Variants in WDR64 observed in about 807,000 individuals in gnomAD.
WDR64 encodes WD repeat domain 64.
A neutral mutation model predicts 139.3 loss-of-function variants in WDR64; 112 were observed. The observed-to-expected ratio is 0.80, with a 90% CI of 0.69 to 0.94. The LOEUF is 0.94. Ranked by LOEUF, WDR64 falls within the 40% of genes least tolerant of loss-of-function variation. The pLI is 0.00. For synonymous variants in WDR64, 444 were observed against 437.7 expected, an observed-to-expected ratio of 1.01 and a Z score of -0.18; for missense variants, 1,206 against 1,293.1, an observed-to-expected ratio of 0.93 and a Z score of 1.03.
rs1274455995 is a variant in WDR64, at chr1:241,656,212, C to T, written c.145+3583C>T. 6.6e-6 allele frequency among the ~76,000 whole-genome samples: 1 copy of T among 152,150 alleles called. No homozygotes were observed. Among genetic ancestry groups the T allele is most frequent in the Non-Finnish European group, 1.5e-5 (1 of 68,030 alleles). On this transcript the variant is annotated intron_variant, in intron 1 of 27. Coordinates refer to ENST00000437684, the MANE Select transcript of WDR64 (RefSeq NM_001367482.1). This position sits in a 1 kb window ranked among gnomAD's most constrained non-coding sequence, Gnocchi z 4.3. ...TTGTCAGGCTGTTAATAATGTCTGG[C>T]ACAAATTCATATTTATTAACCAATA... is the stretch of plus-strand genomic sequence containing the variant.
intron 15 of WDR64, among the ~76,000 whole-genome samples, chr1:241,762,240 C>T (rs1657947316): frequency 6.6e-6 from 1 of 152,150 alleles, no homozygotes; most frequent in African/African-American, 2.4e-5. Context: ...ACAACATTCA[C>T]GTTGTACATC....
At chr1:241,709,361 G>A (rs1413096576) in intron 8 of WDR64, among the ~76,000 whole-genome samples, 1 of 152,152 alleles carries the variant, frequency 6.6e-6, no homozygotes, top group Non-Finnish European at 1.5e-5. Flanking sequence ...ATTCTTGCCC[G>A]AGGTCTAGGG....
rs373734522 is a variant in WDR64, at chr1:241,738,495, T to C, written c.1321+6T>C. ...TCATGGCATGCTTATTACGGGTAAGTGTACCCAATTAATGTCAAACGAAAC... is the reference window on the plus strand; with the variant it reads ...TCATGGCATGCTTATTACGGGTAAGCGTACCCAATTAATGTCAAACGAAAC... On this transcript the variant is annotated splice_donor_region_variant and intron_variant, in intron 11 of 27. Transcript: ENST00000437684. The C allele has an allele frequency of 1.1e-4, 182 of 1,603,288 alleles. No individual in the cohort carries two copies. Among genetic ancestry groups the C allele is most frequent in the Non-Finnish European group, 1.5e-4 (177 of 1,176,122 alleles).
chr1:241,662,729 C>A (rs1032726832), intron 2 of WDR64, among the ~76,000 whole-genome samples: 8 of 151,974 alleles, frequency 5.3e-5, no homozygotes, highest in African/African-American at 1.9e-4. Flanking sequence ...AGAATAGGTC[C>A]ACCATAGAGA....
intron 6 of WDR64, among the ~76,000 whole-genome samples, chr1:241,681,885 A>G: frequency 6.6e-6 from 1 of 152,032 alleles, no homozygotes; most frequent in African/African-American, 2.4e-5. Context: ...TTTGACGCTG[A>G]TCATTTTTTT....
At chr1:241,681,287 C>T (rs1666782527) in intron 6 of WDR64, among the ~76,000 whole-genome samples, 1 of 152,112 alleles carries the variant, frequency 6.6e-6, no homozygotes, top group African/African-American at 2.4e-5. Context: ...CCCTTTTCCC[C>T]AGAGTCCCCA....
At chr1:241,765,489 C>A (rs1209367295) in intron 15 of WDR64, among the ~76,000 whole-genome samples, 1 of 152,140 alleles carries the variant, frequency 6.6e-6, no homozygotes, top group Non-Finnish European at 1.5e-5. Context: ...GTCGCAGAGA[C>A]ACAGCAAAAC....
At chr1:241,727,914 C>G (rs1326760680) in intron 10 of WDR64, among the ~76,000 whole-genome samples, 1 of 151,976 alleles carries the variant, frequency 6.6e-6, no homozygotes, top group African/African-American at 2.4e-5. Flanking sequence ...AAATAGAAAA[C>G]ATAGTGGTGC....
intron 2 of WDR64, among the ~76,000 whole-genome samples, chr1:241,662,648 AC>A (rs1382978018): frequency 3.3e-5 from 5 of 152,164 alleles, no homozygotes; most frequent in Admixed American, 2.6e-4. Context: ...CACAGTTTCC[AC>A]CATATTTAAG....
At chr1:241,713,926 TA>T (rs540200207) in intron 9 of WDR64, among the ~76,000 whole-genome samples, 26 of 152,066 alleles carry the variant, frequency 1.7e-4, no homozygotes, top group Non-Finnish European at 3.4e-4. Context: ...AATGAAAGAG[TA>T]GCAATTGTGT....
At chr1:241,691,576 A>G (rs1021243062) in intron 8 of WDR64, among the ~76,000 whole-genome samples, 3 of 150,946 alleles carry the variant, frequency 2.0e-5, no homozygotes, top group Non-Finnish European at 2.9e-5. Flanking sequence ...AAAAACATCT[A>G]CAAAAAACCT....
Position 241,802,460 on chromosome 1 carries a change from A to C in WDR64, c.*1245A>C, listed in dbSNP as rs934182318. Among the ~76,000 whole-genome samples the C allele has an allele frequency of 1.3e-5, 2 of 152,168 alleles. No homozygotes were observed. Among genetic ancestry groups the C allele is most frequent in the African/African-American group, 4.8e-5 (2 of 41,464 alleles). ...AAAGAACTTTCTGGGGTGAATGGTA[A>C]TGTTATCTTAATAAAGTTTGGGTTA... On this transcript the variant is annotated 3_prime_UTR_variant, in exon 28 of 28. Coordinates refer to ENST00000437684, the MANE Select transcript of WDR64 (RefSeq NM_001367482.1).
intron 27 of WDR64, among the ~76,000 whole-genome samples, chr1:241,799,756 C>T (rs1659470037): frequency 6.6e-6 from 1 of 152,098 alleles, no homozygotes; most frequent in Non-Finnish European, 1.5e-5. Flanking sequence ...CTAGGTCTCT[C>T]CTGGTCAGAA....
At chr1:241,765,695 T>A (rs1206055085) in intron 15 of WDR64, among the ~76,000 whole-genome samples, 1 of 152,264 alleles carries the variant, frequency 6.6e-6, no homozygotes, top group Non-Finnish European at 1.5e-5. Flanking sequence ...ACACTTTGAG[T>A]ACTTTAAAGT....
In WDR64 at chr1:241,802,171, TAAAC is replaced by T. The variant is rs1659544734; in HGVS notation, c.*961_*964del. The T allele has an allele frequency of 2.5e-6, 1 of 397,998 alleles. No individual in the cohort carries two copies. Among genetic ancestry groups the T allele is most frequent in the East Asian group, 3.6e-5 (1 of 27,976 alleles). 24.7% of individuals were successfully genotyped at this position (397,998 alleles called of 1,614,324 possible). The stretch of plus-strand genomic sequence containing the variant: ...CTAGTTTCCACAACAGAAGAATGAC[TAAAC>T]AAACTATGGTAGGGTAGGACAATGG... On this transcript the variant is annotated 3_prime_UTR_variant, in exon 28 of 28. Coordinates refer to ENST00000437684, the MANE Select transcript of WDR64 (RefSeq NM_001367482.1).
intron 15 of WDR64, among the ~76,000 whole-genome samples, chr1:241,764,378 C>G (rs987976042): frequency 6.6e-6 from 1 of 152,136 alleles, no homozygotes. Flanking sequence ...GATGACCAGG[C>G]TCAGTGGCTC....
chr1:241,720,139 C>T (rs564786359), intron 9 of WDR64, among the ~76,000 whole-genome samples: 2 of 152,230 alleles, frequency 1.3e-5, no homozygotes, highest in Non-Finnish European at 2.9e-5. Context: ...GATCTTGTTC[C>T]TTTTTATGGC....
rs967833305 is a variant in WDR64 at position 241,652,455 on chromosome 1, G to A, written c.-30G>A. ...TTGGTAAACTTGCAGTATTCTTTCTGTACAGAAGTAAAAGATCCCCTATGT... is the reference window on the plus strand; with the variant it reads ...TTGGTAAACTTGCAGTATTCTTTCTATACAGAAGTAAAAGATCCCCTATGT... On this transcript the variant is annotated 5_prime_UTR_variant, in exon 1 of 28. Transcript: ENST00000437684. 6.5e-7 allele frequency: 1 copy of A among 1,546,266 alleles called. No homozygotes were observed. Among genetic ancestry groups the A allele is most frequent in the Non-Finnish European group, 8.7e-7 (1 of 1,145,328 alleles).
intron 3 of WDR64, among the ~76,000 whole-genome samples, chr1:241,673,714 C>G (rs1284272141): frequency 6.6e-6 from 1 of 152,194 alleles, no homozygotes; most frequent in African/African-American, 2.4e-5. Flanking sequence ...ACTTGCCTTT[C>G]TTTCCTAAGA....
Sources: allele counts gnomAD v4.1 joint callset (sites outside exome capture counted in the v4.1 genomes callset), GRCh38; gene constraint gnomAD v4.1.1; non-coding constraint Gnocchi (gnomAD v3.1); transcripts MANE v1.5; gene names NCBI Gene and HGNC (gene_info 2026-07-23, HGNC 2026-07-21).